Variants in NBPF20 observed in about 807,000 individuals in gnomAD.
NBPF20 encodes the protein NBPF family member NBPF20.
NBPF20 carries 90 observed loss-of-function variants against 68.1 expected under a neutral mutation model. The observed-to-expected ratio is 1.32, with a 90% CI of 1.11 to 1.58. NBPF20 has a LOEUF of 1.58. NBPF20 is among the 40% of genes most tolerant of loss of function. NBPF20 has a pLI of 0.00. For missense variants in NBPF20, 816 were observed against 601.2 expected, an observed-to-expected ratio of 1.36 and a Z score of -3.74; for synonymous variants, 290 against 228.1, an observed-to-expected ratio of 1.27 and a Z score of -2.45.
intron 115 of NBPF20, among the ~76,000 whole-genome samples, chr1:145,309,471 C>A (rs1394486177): frequency 1.4e-5 from 1 of 72,598 alleles, no homozygotes; most frequent in South Asian, 5.0e-4. Flanking sequence ...CACACACACA[C>A]ACACACACAG....
intron 8 of NBPF20, 34 bp from the exon 14 acceptor site, chr1:145,393,969 A>T: frequency 8.9e-7 from 1 of 1,120,198 alleles, no homozygotes; most frequent in African/African-American, 1.5e-5. Context: ...CTCTTACATT[A>T]AGCAGTTCTT....
intron 137 of NBPF20, among the ~76,000 whole-genome samples, chr1:145,292,049 C>A (rs1198101899): frequency 3.3e-5 from 5 of 149,424 alleles, no homozygotes; most frequent in African/African-American, 1.0e-4. Context: ...AGTCAAAGGA[C>A]ACTCTGAGTT....
At chr1:145,410,815 CGTAT>C in the NBPF20 span, among the ~76,000 whole-genome samples, 10 of 27,210 alleles carry the variant, frequency 3.7e-4, no homozygotes, top group African/African-American at 6.8e-4. Flanking sequence ...TATATATATA[CGTAT>C]ATATATATAT....
At chr1:145,419,587 C>A in the NBPF20 span, among the ~76,000 whole-genome samples, 1 of 152,102 alleles carries the variant, frequency 6.6e-6, no homozygotes, top group Non-Finnish European at 1.5e-5. Flanking sequence ...GTGGGGGCCT[C>A]AGCCCCTGGG....
At chr1:145,291,504 C>G in exon 138 of NBPF20, 2 of 1,612,018 alleles carry the variant, frequency 1.2e-6, no homozygotes, top group Non-Finnish European at 1.7e-6. Flanking sequence ...GGAATGACAT[C>G]TCTCGGCTTA....
At chr1:145,419,803 G>A in the NBPF20 span, among the ~76,000 whole-genome samples, 1 of 152,168 alleles carries the variant, frequency 6.6e-6, no homozygotes, top group African/African-American at 2.4e-5. Flanking sequence ...CCAGAGCAGG[G>A]CATGGTACCT....
chr1:145,400,315 T>C, intron 6 of NBPF20, 74 bp downstream of exon 11: 2 of 1,602,554 alleles, frequency 1.2e-6, no homozygotes, highest in South Asian at 1.1e-5. Flanking sequence ...AATTTGTGTT[T>C]ATAGAGCCTG....
Position 145,378,000 on chromosome 1 carries a change from G to T in NBPF20, c.3464+43C>A. The T allele has an allele frequency of 1.4e-5, 7 of 515,006 alleles. 1 individual carries two copies. The highest frequency in any genetic ancestry group is 6.8e-5 in the African/African-American group (2 of 29,366). The allele number at this position is 515,006 out of a possible 1,614,324, so 31.9% of individuals were successfully genotyped here. On this transcript the variant is annotated intron_variant, in intron 29 of 137. Transcript: ENST00000369373. ...GTTTTCCCTGGACCTGGCATCTCCA[G>T]GTGTCGACACAGAATTAAGCATCCA...
At chr1:145,418,888 C>T in the NBPF20 span, among the ~76,000 whole-genome samples, 3 of 55,166 alleles carry the variant, frequency 5.4e-5, no homozygotes, top group East Asian at 6.9e-4. Context: ...GGCTACAGGA[C>T]GAGCTCCCTG....
chr1:145,424,411 A>C, the NBPF20 span, among the ~76,000 whole-genome samples: 1 of 152,200 alleles, frequency 6.6e-6, no homozygotes, highest in African/African-American at 2.4e-5. Flanking sequence ...TCACTGGTGA[A>C]ATTTTACTAA....
At chr1:145,394,286 C>G (rs1662105257) in intron 8 of NBPF20, among the ~76,000 whole-genome samples, 1 of 151,416 alleles carries the variant, frequency 6.6e-6, no homozygotes, top group African/African-American at 2.5e-5. Context: ...TCATCAAATA[C>G]CCAGAATTTG....
the NBPF20 span, among the ~76,000 whole-genome samples, chr1:145,415,413 GC>G: frequency 6.6e-6 from 1 of 151,634 alleles, no homozygotes; most frequent in East Asian, 1.9e-4. Flanking sequence ...ATCCTCCTCA[GC>G]ACAGACCCTT....
intron 137 of NBPF20, 143 bp from the exon 143 acceptor site, chr1:145,291,912 C>T (rs1393792804): frequency 8.5e-6 from 13 of 1,537,866 alleles, no homozygotes; most frequent in Admixed American, 6.0e-5. Flanking sequence ...AAATTTATTG[C>T]CTATATGTTG....
chr1:145,406,200 C>T (rs1351450894), upstream of NBPF20, among the ~76,000 whole-genome samples: 1 of 150,746 alleles, frequency 6.6e-6, no homozygotes, highest in Non-Finnish European at 1.5e-5. Flanking sequence ...TCCCAAAGTA[C>T]TGGGATTACA....
chr1:145,292,142 T>C (rs1661155131), intron 137 of NBPF20, among the ~76,000 whole-genome samples: 1 of 149,800 alleles, frequency 6.7e-6, no homozygotes, highest in South Asian at 2.1e-4. Flanking sequence ...CAAAATTCGA[T>C]GCAGTGGCCA....
intron 8 of NBPF20, among the ~76,000 whole-genome samples, 188 bp downstream of exon 13, chr1:145,394,789 AG>A (rs1662138257): frequency 6.6e-6 from 1 of 152,192 alleles, no homozygotes; most frequent in Non-Finnish European, 1.5e-5. Flanking sequence ...AAGAGAGCAA[AG>A]CTCACTGACC....
chr1:145,409,671 G>A (rs1571385014), upstream of NBPF20, among the ~76,000 whole-genome samples: 4 of 150,588 alleles, frequency 2.7e-5, no homozygotes, highest in Non-Finnish European at 1.5e-5. Flanking sequence ...GATTTAGCAG[G>A]AGACAAGATA....
At chr1:145,404,997 T>G (rs1428602886) in intron 2 of NBPF20, 101 bp downstream of exon 7, 7 of 1,522,540 alleles carry the variant, frequency 4.6e-6, no homozygotes, top group Admixed American at 1.7e-5. Flanking sequence ...TTCCTACAAG[T>G]ACAAGAAGGA....
At position 145,404,706 on chromosome 1, in the gene NBPF20, A is replaced by C. The variant is rs1662686285; in HGVS notation, c.175+392T>G. On this transcript the variant is annotated intron_variant, in intron 2 of 137. Transcript: ENST00000369373. ...AACACAGCTTTGCCTGTTGGGCCTC[A>C]ACAGAAACTTGAACTGAATAAAAGT... Among the ~76,000 whole-genome samples the C allele has an allele frequency of 4.6e-5, 7 of 152,318 alleles. No homozygotes were observed. In the South Asian group the frequency reaches 1.5e-3, roughly 32 times the overall value.
Sources: allele counts gnomAD v4.1 joint callset (sites outside exome capture counted in the v4.1 genomes callset), GRCh38; gene constraint gnomAD v4.1.1; transcripts MANE v1.5; gene names NCBI Gene and HGNC (gene_info 2026-07-23, HGNC 2026-07-21).